GRID2: variants seen among roughly 807,000 people sequenced by gnomAD.
GRID2 encodes the protein glutamate receptor ionotropic, delta-2.
A neutral mutation model predicts 114.8 loss-of-function variants in GRID2; 33 were observed. The ratio of observed to expected loss-of-function variants is 0.29; its 90% confidence interval spans 0.22 to 0.38. The LOEUF (loss-of-function observed/expected upper bound fraction) is 0.38. Ranked by LOEUF, GRID2 falls within the 10% of genes least tolerant of loss-of-function variation. The pLI is 1.00. For synonymous variants in GRID2, 505 were observed against 449.9 expected, an observed-to-expected ratio of 1.12 and a Z score of -1.55; for missense variants, 1,184 against 1,257.7, an observed-to-expected ratio of 0.94 and a Z score of 0.89.
intron 2 of GRID2, among the ~76,000 whole-genome samples, chr4:92,963,039 A>T (rs1433435332): frequency 6.6e-6 from 1 of 152,006 alleles, no homozygotes; most frequent in Non-Finnish European, 1.5e-5. Flanking sequence ...TAAGTATGCA[A>T]TAGCACTATG....
intron 2 of GRID2, among the ~76,000 whole-genome samples, chr4:92,666,808 A>T (rs1732812315): frequency 6.6e-6 from 1 of 151,258 alleles, no homozygotes; most frequent in Non-Finnish European, 1.5e-5. Flanking sequence ...ATTAAGATTA[A>T]AAAAAACCTC....
intron 8 of GRID2, among the ~76,000 whole-genome samples, chr4:93,296,976 T>TA (rs1448645221): frequency 6.6e-6 from 1 of 152,198 alleles, no homozygotes; most frequent in Non-Finnish European, 1.5e-5. Flanking sequence ...TTACATTCTT[T>TA]AAAAACATAT....
intron 13 of GRID2, among the ~76,000 whole-genome samples, chr4:93,525,143 A>G (rs1306372264): frequency 6.6e-6 from 1 of 152,130 alleles, no homozygotes; most frequent in African/African-American, 2.4e-5. Flanking sequence ...AGAGATTTGT[A>G]CAAGACATTG....
intron 1 of GRID2, among the ~76,000 whole-genome samples, chr4:92,489,575 G>T (rs1723053328): frequency 6.6e-6 from 1 of 152,168 alleles, no homozygotes; most frequent in African/African-American, 2.4e-5. Context: ...GCCGGGCACG[G>T]TGGCTCACTC....
intron 10 of GRID2, among the ~76,000 whole-genome samples, chr4:93,437,505 A>T (rs1435370200): frequency 1.3e-5 from 2 of 152,170 alleles, no homozygotes; most frequent in African/African-American, 4.8e-5. Context: ...GAAGGTTCAG[A>T]TAGGAGTTCA....
rs1301380730 is a variant in GRID2, at chr4:92,472,051, G to A, written c.89-118080G>A. ...CGGGTTCACGCCATTCTCCTGCCTC[G>A]GCCTCCCGAGTAGCTGGGACTACAG... On this transcript the variant is annotated intron_variant, in intron 1 of 15. Coordinates refer to ENST00000282020, the MANE Select transcript of GRID2 (RefSeq NM_001510.4). Among the ~76,000 whole-genome samples the A allele has an allele frequency of 1.1e-4, 12 of 109,316 alleles. 1 individual carries two copies. Among genetic ancestry groups the A allele is most frequent in the East Asian group, 5.0e-4 (2 of 4,028 alleles). 71.7% of individuals were successfully genotyped at this position (109,316 alleles called of 152,430 possible).
chr4:93,127,683 A>G (rs1369345968), intron 4 of GRID2, among the ~76,000 whole-genome samples: 1 of 151,960 alleles, frequency 6.6e-6, no homozygotes, highest in South Asian at 2.1e-4. Context: ...TAATAGCAAA[A>G]CCAAGTTTAG....
At chr4:92,942,682 G>A (rs1457044953) in intron 2 of GRID2, among the ~76,000 whole-genome samples, 1 of 152,108 alleles carries the variant, frequency 6.6e-6, no homozygotes, top group Non-Finnish European at 1.5e-5. Flanking sequence ...CTTTACAATT[G>A]TGTATGTTTT....
intron 13 of GRID2, among the ~76,000 whole-genome samples, chr4:93,593,146 G>C (rs1738590539): frequency 6.6e-6 from 1 of 151,528 alleles, no homozygotes; most frequent in African/African-American, 2.4e-5. Context: ...TTTCTTCCTA[G>C]TCTCGATGGG....
chr4:93,785,818 C>T (rs1734580044), intron 1 of GRID2, among the ~76,000 whole-genome samples: 2 of 151,856 alleles, frequency 1.3e-5, no homozygotes, highest in Admixed American at 1.3e-4. Context: ...ATAGTCCAGT[C>T]CAGTAGTAAA....
chr4:93,615,822 C>G (rs1275775146), intron 13 of GRID2, among the ~76,000 whole-genome samples: 1 of 151,972 alleles, frequency 6.6e-6, no homozygotes, highest in Non-Finnish European at 1.5e-5. Flanking sequence ...TACCATCAAA[C>G]AACACAGGTG....
intron 2 of GRID2, among the ~76,000 whole-genome samples, chr4:92,671,925 G>A (rs945894915): frequency 6.6e-6 from 1 of 151,972 alleles, no homozygotes; most frequent in African/African-American, 2.4e-5. Context: ...AGACCATATG[G>A]TTTCAGGATA....
chr4:93,418,454 C>A (rs540659125), intron 9 of GRID2, among the ~76,000 whole-genome samples: 1 of 152,150 alleles, frequency 6.6e-6, no homozygotes, highest in South Asian at 2.1e-4. Flanking sequence ...AACAACACTC[C>A]TTTGTAGTTT....
intron 8 of GRID2, among the ~76,000 whole-genome samples, chr4:93,324,821 C>A (rs1343852035): frequency 2.6e-5 from 4 of 152,016 alleles, no homozygotes; most frequent in South Asian, 2.1e-4. Context: ...AGTTTACTTG[C>A]GTAGAGGTGT....
chr4:92,684,792 T>C (rs1194654537), intron 2 of GRID2, among the ~76,000 whole-genome samples: 1 of 152,066 alleles, frequency 6.6e-6, no homozygotes. Flanking sequence ...AACATAATGT[T>C]TGTGGTTGTC....
chr4:93,259,762 C>A (rs1750046248), intron 8 of GRID2, among the ~76,000 whole-genome samples: 3 of 151,666 alleles, frequency 2.0e-5, no homozygotes, highest in South Asian at 2.1e-4. Flanking sequence ...GGCTAAATAG[C>A]CCTTTTAAAC....
chr4:92,468,634 A>C (rs1006160589), intron 1 of GRID2, among the ~76,000 whole-genome samples: 17 of 151,846 alleles, frequency 1.1e-4, no homozygotes, highest in African/African-American at 3.6e-4. Context: ...AAAAACAAAC[A>C]CCTCTAAGTT....
At chr4:92,992,502 T>C (rs1193411797) in intron 2 of GRID2, among the ~76,000 whole-genome samples, 1 of 152,216 alleles carries the variant, frequency 6.6e-6, no homozygotes, top group African/African-American at 2.4e-5. Flanking sequence ...GTATTATCTT[T>C]ATAAAATGCA....
rs575274896 is a variant in GRID2 at position 92,939,329 on chromosome 4, T to G, written c.245-145666T>G. 4.8e-4 allele frequency among the ~76,000 whole-genome samples: 71 copies of G among 147,900 alleles called. 1 individual carries two copies. Among genetic ancestry groups the G allele is most frequent in the African/African-American group, 1.6e-3 (65 of 41,396 alleles). On this transcript the variant is annotated intron_variant, in intron 2 of 15. Coordinates refer to ENST00000282020, the MANE Select transcript of GRID2 (RefSeq NM_001510.4). ...TCTGATGGCCAGCGATGATGAACAT[T>G]TTTTCATGTGTCTGTTGGCTGCATA... is the stretch of plus-strand genomic sequence containing the variant.
Sources: gnomAD v4.1 joint callset for allele counts (sites outside exome capture counted in the v4.1 genomes callset) on GRCh38, gnomAD v4.1.1 for gene constraint, MANE v1.5 for transcripts, NCBI Gene and HGNC (gene_info 2026-07-23, HGNC 2026-07-21) for gene names.